The following TET1 variants were observed in gnomAD, a reference collection of about 807,000 sequenced individuals.
The protein encoded by TET1 is methylcytosine dioxygenase TET1.
Under a neutral mutation model 148.7 loss-of-function variants are expected in TET1, and 13 were observed. That is an observed-to-expected ratio of 0.09 (90% CI 0.06 to 0.14). The LOEUF (loss-of-function observed/expected upper bound fraction) is 0.14, where lower values mean the gene tolerates loss of function less well. Among genes scored for constraint, TET1 ranks in the 10% least tolerant of loss-of-function variants. The pLI is 1.00. For synonymous variants in TET1, 907 were observed against 937.2 expected (o/e 0.97, Z 0.59); for missense variants, 2,182 against 2,553.8 (o/e 0.85, Z 3.14).
intron 3 of TET1, among the ~76,000 whole-genome samples, chr10:68,622,219 TTCCCTCCTTCCTCCCTTCCC>T (rs1365091951): frequency 9.8e-4 from 77 of 78,824 alleles, no homozygotes; most frequent in African/African-American, 3.7e-3. Flanking sequence ...CCTTCCTTCC[TTCCCTCCTTCCTCCCTTCCC>T]TCCCTCCCTC....
rs370887665 is a variant in TET1 at position 68,646,201 on chromosome 10, C to A, written c.3472C>A (p.Arg1158=). The part of the protein sequence containing the change: ...KKTKSTPSRD[R]RKKKPTVVSY... ...GACAAAATCCACCCCATCAAGAGAT[C>A]GGCGGAAAAAGAAGCCCACAGTTGT... The change falls in exon 4 of 12, where the codon CGG becomes AGG. Residue 1158 remains arginine (R), a synonymous_variant. Coordinates refer to ENST00000373644, the MANE Select transcript of TET1 (RefSeq NM_030625.3). 1.4e-5 allele frequency: 22 copies of A among 1,613,890 alleles called. No homozygotes were observed. The highest frequency in any genetic ancestry group is 2.7e-5 in the African/African-American group (2 of 74,908).
chr10:68,645,662 C>T lies in TET1; in HGVS notation c.2933C>T (p.Ser978Phe), dbSNP rs775949171. ...TTCAATGGGCAAACTACTACCCTTTCCAACTCACATATCAACTCAGCTACT... is the reference window on the plus strand; with the variant it reads ...TTCAATGGGCAAACTACTACCCTTTTCAACTCACATATCAACTCAGCTACT... ...VVFNGQTTTL[S>F]NSHINSATNQ... The change falls in exon 4 of 12, where the codon TCC becomes TTC. Residue 978 changes from serine to phenylalanine, a missense_variant. Coordinates refer to ENST00000373644, the MANE Select transcript of TET1 (RefSeq NM_030625.3). The T allele has an allele frequency of 6.2e-7, 1 of 1,614,196 alleles. No individual in the cohort carries two copies. The highest frequency in any genetic ancestry group is 8.5e-7 in the Non-Finnish European group (1 of 1,180,038).
intron 4 of TET1, among the ~76,000 whole-genome samples, chr10:68,650,420 G>A (rs1242992392): frequency 1.3e-5 from 2 of 151,816 alleles, no homozygotes; most frequent in East Asian, 3.9e-4. Flanking sequence ...AGGCGGGTGG[G>A]TCACCTGAGG....
intron 7 of TET1, among the ~76,000 whole-genome samples, chr10:68,670,852 AG>A: frequency 6.6e-6 from 1 of 152,192 alleles, no homozygotes; most frequent in East Asian, 1.9e-4. Flanking sequence ...CATAAAAAAT[AG>A]TTTTTTTCTA....
At chr10:68,662,682 G>A (rs773982054) in intron 6 of TET1, among the ~76,000 whole-genome samples, 9 of 152,252 alleles carry the variant, frequency 5.9e-5, no homozygotes, top group African/African-American at 9.6e-5. Flanking sequence ...TGCACAGATC[G>A]CTTGAGGCCT....
At chr10:68,583,968 A>G (rs1204406052) in intron 2 of TET1, among the ~76,000 whole-genome samples, 1 of 152,230 alleles carries the variant, frequency 6.6e-6, no homozygotes, top group Non-Finnish European at 1.5e-5. Context: ...GGGGGTGCTA[A>G]CAGCACATAA....
intron 3 of TET1, among the ~76,000 whole-genome samples, chr10:68,633,535 C>T (rs952972967): frequency 3.9e-5 from 6 of 152,064 alleles, no homozygotes; most frequent in African/African-American, 1.4e-4. Context: ...GCATGCATCA[C>T]CATGCCTGGC....
chr10:68,597,030 A>ATTTTTTTTT (rs553591899), intron 2 of TET1, among the ~76,000 whole-genome samples: 1,205 of 98,714 alleles, frequency 0.012, 113 homozygotes, highest in African/African-American at 0.023. Context: ...CAGCTAATGG[A>ATTTTTTTTT]TTTTTTTTTT....
intron 3 of TET1, among the ~76,000 whole-genome samples, chr10:68,637,539 T>TTTTTTTTTTTTTTTTTC (rs2054672119): frequency 8.8e-5 from 13 of 147,918 alleles, no homozygotes; most frequent in African/African-American, 3.3e-4. Context: ...TTTTTTTTTT[T>TTTTTTTTTTTTTTTTTC]AAGAGACAGA....
In TET1 at chr10:68,637,218, C is replaced by T. The variant is rs139735849; in HGVS notation, c.1969-7480C>T. On this transcript the variant is annotated intron_variant, in intron 3 of 11. Coordinates refer to ENST00000373644, the MANE Select transcript of TET1 (RefSeq NM_030625.3). ...TTCACTGTGTTGGTCAGGCTGGTCT[C>T]GAACTCCTGACCTCTGGTGATTCGG... Among the ~76,000 whole-genome samples the T allele has an allele frequency of 6.6e-5, 10 of 152,060 alleles. No individual in the cohort carries two copies. In the East Asian group the frequency reaches 1.7e-3, roughly 26 times the overall value.
chr10:68,642,898 C>T (rs1050748636), intron 3 of TET1, among the ~76,000 whole-genome samples: 4 of 152,088 alleles, frequency 2.6e-5, no homozygotes, highest in Admixed American at 6.6e-5. Flanking sequence ...CGCTACTGTA[C>T]CCAGCTGTAT....
chr10:68,643,744 C>A (rs905385806), intron 3 of TET1, among the ~76,000 whole-genome samples: 3 of 150,886 alleles, frequency 2.0e-5, no homozygotes, highest in Non-Finnish European at 4.4e-5. Flanking sequence ...ACCCGGGAGG[C>A]AGAGGTTGCA....
At chr10:68,654,486 G>T (rs373301550) in intron 6 of TET1, among the ~76,000 whole-genome samples, 1 of 151,934 alleles carries the variant, frequency 6.6e-6, no homozygotes, top group South Asian at 2.1e-4. Context: ...GCGTGGTGGC[G>T]CGAGCCTATA....
chr10:68,626,752 A>G (rs900241730), intron 3 of TET1, among the ~76,000 whole-genome samples: 9 of 151,792 alleles, frequency 5.9e-5, no homozygotes, highest in African/African-American at 1.9e-4. Flanking sequence ...GGGCTTCACC[A>G]TGTTAGTCAG....
intron 2 of TET1, among the ~76,000 whole-genome samples, chr10:68,588,071 C>T (rs1256517637): frequency 6.6e-6 from 1 of 152,084 alleles, no homozygotes; most frequent in African/African-American, 2.4e-5. Context: ...CCATGTTGGT[C>T]AGGCGGGTCT....
intron 3 of TET1, among the ~76,000 whole-genome samples, chr10:68,628,588 G>A (rs1281228512): frequency 1.3e-5 from 2 of 152,150 alleles, no homozygotes; most frequent in Non-Finnish European, 2.9e-5. Flanking sequence ...AGCTGTGTAG[G>A]GATAGTAAAG....
At chr10:68,668,433 C>T (rs895391060) in intron 7 of TET1, among the ~76,000 whole-genome samples, 1 of 152,194 alleles carries the variant, frequency 6.6e-6, no homozygotes, top group Non-Finnish European at 1.5e-5. Context: ...GGTGGTTTCA[C>T]TTATAATCAG....
Position 68,652,483 on chromosome 10 carries a change from A to G in TET1, c.4368-18A>G. 6.4e-7 allele frequency: 1 copy of G among 1,565,268 alleles called. No homozygotes were observed. Among genetic ancestry groups the G allele is most frequent in the Non-Finnish European group, 8.7e-7 (1 of 1,145,902 alleles). ...TGCAATTAATTAGTACATTCCCTTC[A>G]CTGTGTTTTATACTCAGGTATGGTC... On this transcript the variant is annotated intron_variant, in intron 5 of 11. Transcript: ENST00000373644.
intron 3 of TET1, among the ~76,000 whole-genome samples, chr10:68,620,710 C>A (rs2054358200): frequency 6.6e-6 from 1 of 152,070 alleles, no homozygotes; most frequent in South Asian, 2.1e-4. Flanking sequence ...CTACTGGTTC[C>A]TATGTTAACT....
Sources: allele counts gnomAD v4.1 joint callset (sites outside exome capture counted in the v4.1 genomes callset), GRCh38; gene constraint gnomAD v4.1.1; transcripts MANE v1.5; gene names NCBI Gene and HGNC (gene_info 2026-07-23, HGNC 2026-07-21).